Variants in FAM222B observed in about 807,000 individuals in gnomAD.
FAM222B encodes protein FAM222B.
Under a neutral mutation model 38.0 loss-of-function variants are expected in FAM222B, and 12 were observed. That is an observed-to-expected ratio of 0.32 (90% CI 0.20 to 0.51). FAM222B has a LOEUF of 0.51. Ranked by LOEUF, FAM222B falls within the 20% of genes least tolerant of loss-of-function variation. The probability of loss-of-function intolerance (pLI) is 0.97; values close to 1 mark genes in which losing one functional copy is unlikely to be tolerated. For synonymous variants in FAM222B, 329 were observed against 317.2 expected (o/e 1.04, Z -0.40); for missense variants, 716 against 754.2 (o/e 0.95, Z 0.59).
intron 1 of FAM222B, among the ~76,000 whole-genome samples, chr17:28,811,403 G>C (rs1463439082): frequency 6.6e-6 from 1 of 152,122 alleles, no homozygotes; most frequent in Non-Finnish European, 1.5e-5. Context: ...TCGCGCCACT[G>C]CACTCCAGCC....
intron 1 of FAM222B, chr17:28,849,431 C>T (rs2039167124): frequency 6.6e-6 from 1 of 152,172 alleles, no homozygotes; most frequent in South Asian, 2.1e-4. Context: ...CTATTCTCTA[C>T]ACTCCAGGAA....
At chr17:28,817,999 T>C (rs1258054010) in intron 1 of FAM222B, among the ~76,000 whole-genome samples, 1 of 152,170 alleles carries the variant, frequency 6.6e-6, no homozygotes, top group Non-Finnish European at 1.5e-5. Context: ...AGTAGAAGCA[T>C]TATCTGGTAA....
intron 1 of FAM222B, among the ~76,000 whole-genome samples, chr17:28,850,371 G>A (rs976825276): frequency 3.3e-5 from 5 of 151,472 alleles, no homozygotes; most frequent in East Asian, 1.9e-4. Flanking sequence ...GTGCGATCTC[G>A]GCTCACTGCA....
intron 1 of FAM222B, among the ~76,000 whole-genome samples, chr17:28,852,303 C>T (rs534302751): frequency 9.9e-4 from 151 of 151,846 alleles, no homozygotes; most frequent in South Asian, 3.3e-3. Context: ...GGAGGCAGAG[C>T]CAAGATCGTG....
intron 1 of FAM222B, among the ~76,000 whole-genome samples, chr17:28,841,164 G>C (rs536742264): frequency 6.7e-6 from 1 of 149,120 alleles, no homozygotes; most frequent in Non-Finnish European, 1.5e-5. Flanking sequence ...GCGTGGTGGT[G>C]GGCATTTGTA....
At chr17:28,773,367 A>G (rs537076793) in intron 1 of FAM222B, among the ~76,000 whole-genome samples, 1 of 150,932 alleles carries the variant, frequency 6.6e-6, no homozygotes, top group Non-Finnish European at 1.5e-5. Context: ...CTGTAATCCC[A>G]GCTACTCGAT....
intron 1 of FAM222B, among the ~76,000 whole-genome samples, chr17:28,815,665 A>C (rs1289975581): frequency 2.6e-5 from 4 of 152,126 alleles, no homozygotes; most frequent in African/African-American, 9.7e-5. Flanking sequence ...TGTCTCTACA[A>C]AAAATACAAA....
intron 1 of FAM222B, among the ~76,000 whole-genome samples, chr17:28,803,335 TCCTGCTCTCTCAC>T (rs554813946): frequency 3.3e-5 from 5 of 152,008 alleles, no homozygotes; most frequent in East Asian, 3.9e-4. Flanking sequence ...AGAGACACGG[TCCTGCTCTCTCAC>T]CCTGCTCTCT....
intron 1 of FAM222B, among the ~76,000 whole-genome samples, chr17:28,780,882 CAAAA>C (rs373481789): frequency 2.1e-5 from 3 of 143,292 alleles, no homozygotes; most frequent in Admixed American, 7.1e-5. Flanking sequence ...AACTCCGTCT[CAAAA>C]AAAAAACCCA....
intron 1 of FAM222B, among the ~76,000 whole-genome samples, chr17:28,825,453 A>C (rs1195000666): frequency 6.6e-6 from 1 of 151,334 alleles, no homozygotes; most frequent in African/African-American, 2.4e-5. Flanking sequence ...AAAAAAAAAA[A>C]AACACTCCAA....
At chr17:28,767,762 C>T (rs1046378567) in intron 1 of FAM222B, among the ~76,000 whole-genome samples, 3 of 152,202 alleles carry the variant, frequency 2.0e-5, no homozygotes, top group Admixed American at 6.5e-5. Flanking sequence ...AGTCATGAGC[C>T]ACCGCACCCG....
At chr17:28,821,694 G>A (rs1046047627) in intron 1 of FAM222B, among the ~76,000 whole-genome samples, 1 of 152,194 alleles carries the variant, frequency 6.6e-6, no homozygotes, top group Non-Finnish European at 1.5e-5. Context: ...GTGAGAGGTG[G>A]CTCATGCCTG....
At chr17:28,844,008 C>T (rs369749392), upstream of FAM222B, among the ~76,000 whole-genome samples, 2 of 152,220 alleles carry the variant, frequency 1.3e-5, no homozygotes, top group South Asian at 2.1e-4. Context: ...GCAAATAGTC[C>T]CCTGCTTTCC....
chr17:28,849,088 C>T (rs145453355), intron 1 of FAM222B: 1,993 of 151,996 alleles, frequency 0.013, 28 homozygotes, highest in Non-Finnish European at 0.021. Context: ...GGTGAAATCT[C>T]GTCTCCACTA....
chr17:28,850,214 T>C (rs913341413), intron 1 of FAM222B, among the ~76,000 whole-genome samples: 3 of 152,094 alleles, frequency 2.0e-5, no homozygotes, highest in African/African-American at 7.2e-5. Flanking sequence ...GGGCAGGGAT[T>C]GCGATTTGAA....
chr17:28,807,621 A>T (rs371149228), intron 1 of FAM222B, among the ~76,000 whole-genome samples: 5 of 152,172 alleles, frequency 3.3e-5, no homozygotes, highest in Non-Finnish European at 2.9e-5. Flanking sequence ...CCTGGCCTCA[A>T]GTGATCCGTC....
chr17:28,854,874 C>T (rs761651516), intron 1 of FAM222B: 159 of 713,272 alleles, frequency 2.2e-4, no homozygotes, highest in Middle Eastern at 1.2e-3. Flanking sequence ...TTTCCTTAGC[C>T]TCCACCAGTC....
Position 28,759,948 on chromosome 17 carries a change from C to T in FAM222B, c.83-72G>A. Reference sequence around the variant, plus strand: ...ATCAGTGCCAAGGCAAACAGCCCTTCCAGATTCCCCTTTTGAGGGCCTGGG... The same window carrying T: ...ATCAGTGCCAAGGCAAACAGCCCTTTCAGATTCCCCTTTTGAGGGCCTGGG... On this transcript the variant is annotated intron_variant, in intron 2 of 2. Transcript: ENST00000581407. This position sits in a 1 kb window ranked among gnomAD's most constrained non-coding sequence, Gnocchi z 4.8. 7.1e-7 allele frequency: 1 copy of T among 1,399,100 alleles called. No individual in the cohort carries two copies. Among genetic ancestry groups the T allele is most frequent in the South Asian group, 1.5e-5 (1 of 66,112 alleles). The allele number at this position is 1,399,100 out of a possible 1,614,324, so 86.7% of individuals were successfully genotyped here. A position where few individuals can be genotyped will look rare whatever the true frequency, so the allele number is the denominator to read the frequency against.
intron 1 of FAM222B, among the ~76,000 whole-genome samples, chr17:28,812,662 A>T (rs967843800): frequency 6.6e-6 from 1 of 151,536 alleles, no homozygotes; most frequent in Admixed American, 6.6e-5. Context: ...CGCTGCCCCC[A>T]TCTCTCCCGG....
Sources: allele counts gnomAD v4.1 joint callset (sites outside exome capture counted in the v4.1 genomes callset), GRCh38; gene constraint gnomAD v4.1.1; non-coding constraint Gnocchi (gnomAD v3.1); transcripts MANE v1.5; gene names NCBI Gene and HGNC (gene_info 2026-07-23, HGNC 2026-07-21).